TAF9B: variants seen among roughly 807,000 people sequenced by gnomAD.
TAF9B encodes TATA-box binding protein associated factor 9b.
A neutral mutation model predicts 17.6 loss-of-function variants in TAF9B; 47 were observed. The ratio of observed to expected loss-of-function variants is 2.68; its 90% CI spans 2.12 to 3.41. The LOEUF (loss-of-function observed/expected upper bound fraction) is 3.41. Ranked by LOEUF, TAF9B falls within the 30% of genes most tolerant of loss-of-function variation. The pLI is 0.00. For synonymous variants in TAF9B, 84 were observed against 68.7 expected, an observed-to-expected ratio of 1.22 and a Z score of -1.10; for missense variants, 218 against 189.3, an observed-to-expected ratio of 1.15 and a Z score of -0.89.
At chrX:78,139,514 C>T (rs1458418526) in intron 1 of TAF9B, 47 bp downstream of exon 1, 1 of 1,207,966 alleles carries the variant, frequency 8.3e-7, no homozygotes, top group Non-Finnish European at 1.1e-6. Context: ...TCGCAGGTCC[C>T]TGGCTGCACC....
chrX:78,133,001 GTTGTAA>G (rs2078420215), intron 6 of TAF9B, among the ~76,000 whole-genome samples: 1 of 111,774 alleles, frequency 8.9e-6, no homozygotes, highest in Non-Finnish European at 1.9e-5. Flanking sequence ...ACAGTATGTT[GTTGTAA>G]TTGTTAATTA....
intron 6 of TAF9B, 113 bp downstream of exon 6, chrX:78,133,225 C>T (rs1228328815): frequency 8.7e-6 from 5 of 577,739 alleles, no homozygotes; most frequent in African/African-American, 6.8e-5. Context: ...TGCAGCATTA[C>T]TGCCACCTTC....
intron 5 of TAF9B, 23 bp from the exon 6 acceptor site, chrX:78,133,471 ATGTT>A (rs1569551020): frequency 9.0e-7 from 1 of 1,108,224 alleles, no homozygotes; most frequent in South Asian, 1.8e-5. Context: ...TAAACAGACC[ATGTT>A]TGTTAGGTGA....
chrX:78,136,842 G>T, intron 5 of TAF9B, 73 bp downstream of exon 5: 1 of 726,861 alleles, frequency 1.4e-6, no homozygotes, highest in Non-Finnish European at 2.1e-6. Flanking sequence ...TTTTTGACTT[G>T]CATTATAGTT....
At chrX:78,133,472 T>C (rs1306859965) in intron 5 of TAF9B, 24 bp from the exon 6 acceptor site, 42 of 1,104,943 alleles carry the variant, frequency 3.8e-5, no homozygotes, top group Non-Finnish European at 5.1e-5. Context: ...AAACAGACCA[T>C]GTTTGTTAGG....
In TAF9B at chrX:78,130,439, A is replaced by G. The variant is rs2078404586; in HGVS notation, c.*1171T>C. The G allele has an allele frequency of 8.9e-6, 1 of 112,470 alleles. No individual in the cohort carries two copies. Among genetic ancestry groups the G allele is most frequent in the African/African-American group, 3.2e-5 (1 of 30,939 alleles). The allele number at this position is 112,470 out of a possible 1,213,427, so 9.3% of individuals were successfully genotyped here. On this transcript the variant is annotated 3_prime_UTR_variant, in exon 7 of 7. Coordinates refer to ENST00000341864, the MANE Select transcript of TAF9B (RefSeq NM_015975.5). ...GGAAACCTATGCAGAGTGCACATAA[A>G]TGCAAGTTACATCACATTAATTTGT...
In TAF9B at chrX:78,137,836, C is replaced by CTT. The variant is rs782617246; in HGVS notation, c.317_318insAA (p.Ile107ArgfsTer17). On this transcript the variant is annotated frameshift_variant, in exon 4 of 7. Transcript: ENST00000341864. LOFTEE classifies it high-confidence loss of function. Reference sequence around the variant, plus strand: ...GTCTAGGTCCTGCATATGGCTTAATCAGTGGCAAAGGGGTTTGATTTTTCT... The same window carrying CTT: ...GTCTAGGTCCTGCATATGGCTTAATCTTAGTGGCAAAGGGGTTTGATTTTTCT... 8.3e-7 allele frequency: 1 copy of CTT among 1,208,159 alleles called. No homozygotes were observed. The highest frequency in any genetic ancestry group is 1.8e-5 in the African/African-American group (1 of 56,936).
In TAF9B at chrX:78,133,459, A is replaced by T. The variant is rs1007268087; in HGVS notation, c.482-11T>A. On this transcript the variant is annotated splice_polypyrimidine_tract_variant and intron_variant, in intron 5 of 6. Coordinates refer to ENST00000341864, the MANE Select transcript of TAF9B (RefSeq NM_015975.5). ...CCGTTTGTGGGGTTGCTGTAGTTAC[A>T]ATAAACAGACCATGTTTGTTAGGTG... is the stretch of plus-strand genomic sequence containing the variant. The T allele has an allele frequency of 2.0e-5, 23 of 1,151,561 alleles. No homozygotes were observed. The highest frequency in any genetic ancestry group is 2.7e-5 in the Non-Finnish European group (23 of 840,756). The allele number at this position is 1,151,561 out of a possible 1,213,427, so 94.9% of individuals were successfully genotyped here.
intron 5 of TAF9B, among the ~76,000 whole-genome samples, chrX:78,136,010 A>G (rs2078432826): frequency 3.6e-5 from 4 of 112,072 alleles, no homozygotes; most frequent in Non-Finnish European, 5.6e-5. Context: ...ACACACCTCA[A>G]AAATCAAATG....
intron 6 of TAF9B, among the ~76,000 whole-genome samples, chrX:78,133,114 G>GGGTCTT (rs2078420640): frequency 9.0e-6 from 1 of 111,019 alleles, no homozygotes; most frequent in Non-Finnish European, 1.9e-5. Context: ...ATTTAACTGG[G>GGGTCTT]GGTCTTGGAA....
rs782529896 is a variant in TAF9B at position 78,131,625 on chromosome X, G to A, written c.741C>T (p.Asp247=). ...PLKRKHEDDD[D]NDIM ...ACTATATTCCTTACATAATATCATT[G>A]TCATCATCATCTTCATGTTTTCTCT... Residue 247 remains aspartate (D), a synonymous_variant, in exon 7 of 7, where the codon GAC becomes GAT. Coordinates refer to ENST00000341864, the MANE Select transcript of TAF9B (RefSeq NM_015975.5). The A allele has an allele frequency of 6.3e-5, 76 of 1,208,309 alleles. No individual in the cohort carries two copies. The highest frequency in any genetic ancestry group is 7.9e-5 in the Non-Finnish European group (71 of 894,114).
At chrX:78,136,877 T>G in intron 5 of TAF9B, 38 bp downstream of exon 5, 1 of 1,083,796 alleles carries the variant, frequency 9.2e-7, no homozygotes. Flanking sequence ...GAGGCACTGC[T>G]TTACCAGCCA....
In TAF9B at chrX:78,134,278, T is replaced by C. The variant is rs185603305; in HGVS notation, c.482-830A>G. 6.8e-4 allele frequency among the ~76,000 whole-genome samples: 76 copies of C among 111,669 alleles called. 1 individual carries two copies. The highest frequency in any genetic ancestry group is 2.1e-3 in the African/African-American group (64 of 30,723). ...CGTCATAGGAGTCATTATTATCTTATCTCATTGACTAGATTACAAGCCTTG... is the reference window on the plus strand; with the variant it reads ...CGTCATAGGAGTCATTATTATCTTACCTCATTGACTAGATTACAAGCCTTG... On this transcript the variant is annotated intron_variant, in intron 5 of 6. Coordinates refer to ENST00000341864, the MANE Select transcript of TAF9B (RefSeq NM_015975.5).
intron 6 of TAF9B, 141 bp from the exon 7 acceptor site, chrX:78,131,914 A>C (rs970889837): frequency 1.2e-5 from 6 of 492,192 alleles, no homozygotes; most frequent in Non-Finnish European, 2.0e-5. Flanking sequence ...ATATCATAGA[A>C]GAAACATAGG....
In TAF9B at chrX:78,139,003, T is replaced by C; in HGVS notation, c.52-79A>G. Reference sequence around the variant, plus strand: ...CTGCACTGAAGGGTAGTATTTATATTTATGATACAAGGTTCCCCTTCTTTG... The same window carrying C: ...CTGCACTGAAGGGTAGTATTTATATCTATGATACAAGGTTCCCCTTCTTTG... On this transcript the variant is annotated intron_variant, in intron 1 of 6. Transcript: ENST00000341864. The C allele has an allele frequency of 3.8e-6, 3 of 798,540 alleles. No individual in the cohort carries two copies. In the South Asian group the frequency reaches 7.0e-5, roughly 19 times the overall value. 65.8% of individuals were successfully genotyped at this position (798,540 alleles called of 1,213,427 possible). A position where few individuals can be genotyped will look rare whatever the true frequency, so the allele number is the denominator to read the frequency against.
chrX:78,131,760 A>G lies in TAF9B; in HGVS notation c.606T>C (p.Thr202=). ...STPVKPVPAT[T]AVQNVLINPS... Reference sequence around the variant, plus strand: ...GATTAATCAGAACATTTTGAACTGCAGTTGTTGCAGGAACTGTAAACAGAG... The same window carrying G: ...GATTAATCAGAACATTTTGAACTGCGGTTGTTGCAGGAACTGTAAACAGAG... Residue 202 remains threonine (T), a synonymous_variant, in exon 7 of 7, where the codon ACT becomes ACC. Coordinates refer to ENST00000341864, the MANE Select transcript of TAF9B (RefSeq NM_015975.5). The G allele has an allele frequency of 8.3e-7, 1 of 1,208,018 alleles. No homozygotes were observed. Among genetic ancestry groups the G allele is most frequent in the Non-Finnish European group, 1.1e-6 (1 of 893,574 alleles).
chrX:78,136,706 CATTT>C lies in TAF9B; in HGVS notation c.481+205_481+208del, dbSNP rs1479398090. Reference sequence around the variant, plus strand: ...TGGGGGCAATGTCCAATTTTATATTCATTTGAGATCAGACGTTCCTTGTGGCTTT... The same window carrying C: ...TGGGGGCAATGTCCAATTTTATATTCGAGATCAGACGTTCCTTGTGGCTTT... On this transcript the variant is annotated intron_variant, in intron 5 of 6. Coordinates refer to ENST00000341864, the MANE Select transcript of TAF9B (RefSeq NM_015975.5). Among the ~76,000 whole-genome samples, 6 of 112,142 alleles carry C rather than the reference CATTT, an allele frequency of 5.4e-5. No homozygotes were observed. In the Admixed American group the frequency reaches 5.7e-4, roughly 11 times the overall value.
At position 78,130,184 on chromosome X, in the gene TAF9B, T is replaced by TCAAA. The variant is rs1278202546; in HGVS notation, c.*1422_*1425dup. 8.9e-6 allele frequency: 1 copy of TCAAA among 112,416 alleles called. No individual in the cohort carries two copies. The highest frequency in any genetic ancestry group is 1.9e-5 in the Non-Finnish European group (1 of 53,279). The allele number at this position is 112,416 out of a possible 1,213,427, so 9.3% of individuals were successfully genotyped here. A position where few individuals can be genotyped will look rare whatever the true frequency, so the allele number is the denominator to read the frequency against. Reference sequence around the variant, plus strand: ...CTGTTACTGGACTTTCTTAGATATATCAAACACTATCCTAAGATGAAACTT... The same window carrying TCAAA: ...CTGTTACTGGACTTTCTTAGATATATCAAACAAACACTATCCTAAGATGAAACTT... On this transcript the variant is annotated 3_prime_UTR_variant, in exon 7 of 7. Transcript: ENST00000341864.
intron 5 of TAF9B, among the ~76,000 whole-genome samples, chrX:78,135,697 C>G (rs1259029173): frequency 8.9e-6 from 1 of 112,051 alleles, no homozygotes; most frequent in African/African-American, 3.2e-5. Context: ...AATCTCTGAA[C>G]AGTATGTACA....
Sources: allele counts gnomAD v4.1 joint callset (sites outside exome capture counted in the v4.1 genomes callset), GRCh38; gene constraint gnomAD v4.1.1; transcripts MANE v1.5; gene names NCBI Gene and HGNC (gene_info 2026-07-23, HGNC 2026-07-21).